The following DPP10 variants were observed in gnomAD, a reference collection of about 807,000 sequenced individuals.
DPP10 encodes the protein inactive dipeptidyl peptidase 10.
In DPP10, 33 loss-of-function variants were observed where a neutral mutation model predicts 120.9. That is an observed-to-expected ratio of 0.27 (90% CI 0.21 to 0.37). The LOEUF is 0.37. Ranked by LOEUF, DPP10 falls within the 10% of genes least tolerant of loss-of-function variation. DPP10 has a pLI of 1.00. For synonymous variants in DPP10, 337 were observed against 326.1 expected (o/e 1.03, Z -0.36); for missense variants, 816 against 942.8 (o/e 0.87, Z 1.76).
intron 1 of DPP10, among the ~76,000 whole-genome samples, chr2:114,799,143 T>A (rs1051699523): frequency 1.3e-5 from 2 of 151,956 alleles, no homozygotes; most frequent in Non-Finnish European, 2.9e-5. Context: ...AGAAAAAAAA[T>A]TAAAAAGTTT....
intron 1 of DPP10, among the ~76,000 whole-genome samples, chr2:114,763,538 A>T (rs1468266542): frequency 6.6e-6 from 1 of 152,208 alleles, no homozygotes; most frequent in African/African-American, 2.4e-5. Flanking sequence ...TTCTGGATGT[A>T]CAAAGTAAAT....
intron 1 of DPP10, among the ~76,000 whole-genome samples, chr2:115,166,988 A>G (rs1308135685): frequency 2.6e-5 from 4 of 152,212 alleles, no homozygotes; most frequent in Non-Finnish European, 4.4e-5. Flanking sequence ...GCTATCAACA[A>G]CAAATATTTA....
chr2:114,728,309 C>A (rs886529082), intron 1 of DPP10, among the ~76,000 whole-genome samples: 1 of 152,126 alleles, frequency 6.6e-6, no homozygotes, highest in Non-Finnish European at 1.5e-5. Context: ...ATTCTTCTAA[C>A]CTGGGACAGC....
At chr2:115,834,493 C>T (rs912179833) in intron 21 of DPP10, among the ~76,000 whole-genome samples, 3 of 140,050 alleles carry the variant, frequency 2.1e-5, no homozygotes, top group East Asian at 4.0e-4. Context: ...AAACAGATAG[C>T]TCAGTAGGTC....
At chr2:115,258,987 G>A (rs1244286319) in intron 1 of DPP10, among the ~76,000 whole-genome samples, 1 of 152,210 alleles carries the variant, frequency 6.6e-6, no homozygotes, top group African/African-American at 2.4e-5. Flanking sequence ...AATTGCAATG[G>A]CTTGAGCAAA....
At chr2:114,724,572 G>A (rs1407077344) in intron 1 of DPP10, among the ~76,000 whole-genome samples, 2 of 152,298 alleles carry the variant, frequency 1.3e-5, no homozygotes, top group East Asian at 3.9e-4. Flanking sequence ...TCAAGCACAT[G>A]CACAAGGGGT....
chr2:114,592,322 CTT>C (rs1182318957), intron 1 of DPP10, among the ~76,000 whole-genome samples: 21 of 152,126 alleles, frequency 1.4e-4, no homozygotes, highest in Admixed American at 1.2e-3. Flanking sequence ...TGATGGTAAA[CTT>C]TTCCCTTCAG....
At chr2:114,808,211 T>A (rs553186825) in intron 1 of DPP10, among the ~76,000 whole-genome samples, 1 of 148,442 alleles carries the variant, frequency 6.7e-6, no homozygotes, top group African/African-American at 2.6e-5. Context: ...TCCAGCATAT[T>A]TTAAACAACA....
chr2:115,106,962 C>T (rs2048976059), intron 1 of DPP10, among the ~76,000 whole-genome samples: 1 of 151,672 alleles, frequency 6.6e-6, no homozygotes, highest in African/African-American at 2.4e-5. Context: ...GTAGTCCCAG[C>T]TACTCGGGAG....
chr2:115,315,555 A>G (rs986169808), intron 2 of DPP10, among the ~76,000 whole-genome samples: 1 of 152,184 alleles, frequency 6.6e-6, no homozygotes, highest in African/African-American at 2.4e-5. Flanking sequence ...TAAAATGTCA[A>G]AGCAATGATT....
chr2:114,596,821 T>C (rs763940615), intron 1 of DPP10, among the ~76,000 whole-genome samples: 19 of 152,058 alleles, frequency 1.2e-4, no homozygotes, highest in Admixed American at 2.6e-4. Flanking sequence ...ATCTGGGCCT[T>C]TTAACTCCAC....
chr2:115,379,677 C>G (rs556956395), intron 3 of DPP10, among the ~76,000 whole-genome samples: 37 of 152,136 alleles, frequency 2.4e-4, no homozygotes, highest in South Asian at 6.2e-4. Flanking sequence ...CCTGCTTTGT[C>G]TTGTGGGCAT....
chr2:114,725,372 T>G (rs1701979057), intron 1 of DPP10, among the ~76,000 whole-genome samples: 1 of 152,228 alleles, frequency 6.6e-6, no homozygotes, highest in Admixed American at 6.5e-5. Context: ...ACCTACCACC[T>G]CTGCTCTGCA....
intron 1 of DPP10, among the ~76,000 whole-genome samples, chr2:114,978,233 A>G (rs1699872500): frequency 6.6e-6 from 1 of 152,184 alleles, no homozygotes; most frequent in Non-Finnish European, 1.5e-5. Context: ...AAATATGGCT[A>G]TTGAGCACTT....
intron 3 of DPP10, among the ~76,000 whole-genome samples, chr2:115,373,481 T>C (rs1264450331): frequency 7.3e-6 from 1 of 136,254 alleles, no homozygotes; most frequent in Non-Finnish European, 1.6e-5. Flanking sequence ...TGCTAATTGA[T>C]CATAGGATGA....
intron 1 of DPP10, among the ~76,000 whole-genome samples, chr2:114,580,251 G>C (rs987208407): frequency 6.6e-6 from 1 of 152,144 alleles, no homozygotes; most frequent in Non-Finnish European, 1.5e-5. Context: ...GGCTTGGTTT[G>C]ACTGATTAAT....
intron 1 of DPP10, among the ~76,000 whole-genome samples, chr2:114,444,344 T>C (rs1484121046): frequency 6.6e-6 from 1 of 152,166 alleles, no homozygotes; most frequent in Non-Finnish European, 1.5e-5. Context: ...GAAATATGTA[T>C]TGAAGCCTAA....
At chr2:114,529,616 C>A (rs7599434) in intron 1 of DPP10, among the ~76,000 whole-genome samples, 28,274 of 152,110 alleles carry the variant, frequency 0.19, 2,754 homozygotes, top group South Asian at 0.3. Flanking sequence ...CAGAAATTCT[C>A]TGCTCCTTTC....
chr2:115,227,125 C>T (rs1023214927), intron 1 of DPP10, among the ~76,000 whole-genome samples: 3 of 152,074 alleles, frequency 2.0e-5, no homozygotes, highest in Non-Finnish European at 4.4e-5. Context: ...AAGATATTTG[C>T]GTGGGACCAA....
Sources: gnomAD v4.1 joint callset for allele counts (sites outside exome capture counted in the v4.1 genomes callset) on GRCh38, gnomAD v4.1.1 for gene constraint, MANE v1.5 for transcripts, NCBI Gene and HGNC (gene_info 2026-07-23, HGNC 2026-07-21) for gene names.